The following GABRA1 variants were observed in gnomAD, a reference collection of about 807,000 sequenced individuals.
The protein encoded by GABRA1 is gamma-aminobutyric acid receptor subunit alpha-1.
In GABRA1, 9 loss-of-function variants were observed where a neutral mutation model predicts 48.9. The ratio of observed to expected loss-of-function variants is 0.18; its 90% CI spans 0.11 to 0.32. The LOEUF (loss-of-function observed/expected upper bound fraction) is 0.32, where lower values mean the gene tolerates loss of function less well. Among genes scored for constraint, GABRA1 ranks in the 10% least tolerant of loss-of-function variants. The probability of loss-of-function intolerance (pLI) is 1.00; values close to 1 mark genes in which losing one functional copy is unlikely to be tolerated. For missense variants in GABRA1, 285 were observed against 553.8 expected (o/e 0.51, Z 4.87); for synonymous variants, 210 against 198.7 (o/e 1.06, Z -0.48).
intron 8 of GABRA1, among the ~76,000 whole-genome samples, chr5:161,893,433 G>T (rs1755210485): frequency 6.6e-6 from 1 of 151,830 alleles, no homozygotes; most frequent in East Asian, 1.9e-4. Flanking sequence ...ATGCTTTTTA[G>T]TTTGAACTCA....
chr5:161,892,815 C>A (rs2901629), intron 8 of GABRA1, among the ~76,000 whole-genome samples: 3 of 151,622 alleles, frequency 2.0e-5, no homozygotes, highest in Non-Finnish European at 4.4e-5. Flanking sequence ...CCATCCTGGC[C>A]AACATGGTGA....
chr5:161,895,155 C>T (rs1755303437), intron 8 of GABRA1, among the ~76,000 whole-genome samples: 1 of 151,906 alleles, frequency 6.6e-6, no homozygotes, highest in African/African-American at 2.4e-5. Context: ...TAGTGTAAAA[C>T]CATGAGTCAA....
chr5:161,862,837 G>A (rs1408881986), intron 3 of GABRA1, among the ~76,000 whole-genome samples: 1 of 151,906 alleles, frequency 6.6e-6, no homozygotes, highest in Admixed American at 6.6e-5. Context: ...ATTTGAGCAG[G>A]TATTATTTCT....
In GABRA1 at chr5:161,848,385, C is replaced by A. The variant is rs75583203; in HGVS notation, c.-53C>A. ...ACGATTCTCTCTCCCAGACTTTTCC[C>A]CGGTCTTAAGAGATCCTGTGTCCAG... is the stretch of plus-strand genomic sequence containing the variant. On this transcript the variant is annotated 5_prime_UTR_variant, in exon 1 of 10. Transcript: ENST00000393943. 2,798 of 152,466 alleles carry A rather than the reference C, an allele frequency of 0.018. 74 individuals are homozygous for A. The highest frequency in any genetic ancestry group is 0.054 in the African/African-American group (2,230 of 41,428). The allele number at this position is 152,466 out of a possible 1,614,324, so 9.4% of individuals were successfully genotyped here. A position where few individuals can be genotyped will look rare whatever the true frequency, so the allele number is the denominator to read the frequency against.
chr5:161,887,076 G>A (rs1754881480), intron 7 of GABRA1, among the ~76,000 whole-genome samples: 1 of 152,110 alleles, frequency 6.6e-6, no homozygotes, highest in Admixed American at 6.6e-5. Context: ...GTAATGCCAT[G>A]CAATGTTTTA....
chr5:161,891,632 G>C (rs1561585107), intron 8 of GABRA1, among the ~76,000 whole-genome samples: 1 of 152,054 alleles, frequency 6.6e-6, no homozygotes, highest in Non-Finnish European at 1.5e-5. Flanking sequence ...TGTTTAAAGG[G>C]TAAACAACCT....
intron 2 of GABRA1, among the ~76,000 whole-genome samples, chr5:161,853,368 G>C (rs71612907): frequency 3.3e-5 from 5 of 151,792 alleles, no homozygotes; most frequent in Non-Finnish European, 7.4e-5. Flanking sequence ...TAAAGTTTCA[G>C]ACTAGAATTT....
At chr5:161,864,478 T>C (rs1354732530) in intron 3 of GABRA1, among the ~76,000 whole-genome samples, 3 of 152,080 alleles carry the variant, frequency 2.0e-5, no homozygotes, top group Non-Finnish European at 4.4e-5. Context: ...TCTTAACTCT[T>C]CACAAGTAAA....
At position 161,897,156 on chromosome 5, in the gene GABRA1, G is replaced by A. The variant is rs775344663; in HGVS notation, c.1105G>A (p.Ala369Thr). 9.3e-6 allele frequency: 15 copies of A among 1,613,914 alleles called. No individual in the cohort carries two copies. In the East Asian group the frequency reaches 2.9e-4, roughly 31 times the overall value. Reference sequence around the variant, plus strand: ...TCTTATTAAGAAAAACAACACTTACGCTCCAACAGCAACCAGCTACACCCC... The same window carrying A: ...TCTTATTAAGAAAAACAACACTTACACTCCAACAGCAACCAGCTACACCCC... ...DPLIKKNNTYAPTATSYTPNL... is the reference protein window; with the variant it reads ...DPLIKKNNTYTPTATSYTPNL... The change falls in exon 10 of 10, where the codon GCT becomes ACT. Residue 369 changes from alanine to threonine, a missense_variant. Coordinates refer to ENST00000393943, the MANE Select transcript of GABRA1 (RefSeq NM_001127644.2).
intron 5 of GABRA1, among the ~76,000 whole-genome samples, chr5:161,874,887 A>C (rs191568693): frequency 1.2e-3 from 181 of 152,260 alleles, no homozygotes; most frequent in African/African-American, 2.6e-3. Context: ...CAATCCAAAA[A>C]AAAACAAAAC....
chr5:161,870,283 C>A (rs925396335), intron 4 of GABRA1, among the ~76,000 whole-genome samples: 1 of 152,096 alleles, frequency 6.6e-6, no homozygotes, highest in African/African-American at 2.4e-5. Flanking sequence ...GGGCTTTGGC[C>A]AGGCACAGTG....
At chr5:161,857,225 C>A (rs1159991668) in intron 3 of GABRA1, among the ~76,000 whole-genome samples, 1 of 151,236 alleles carries the variant, frequency 6.6e-6, no homozygotes, top group African/African-American at 2.4e-5. Flanking sequence ...TGACAAAAGT[C>A]TTTTTTTATA....
chr5:161,864,332 T>A (rs1363829256), intron 3 of GABRA1, among the ~76,000 whole-genome samples: 3 of 152,070 alleles, frequency 2.0e-5, no homozygotes, highest in Non-Finnish European at 4.4e-5. Flanking sequence ...TAGGTATATC[T>A]CCCAATGCTA....
At chr5:161,896,628 A>G (rs1755380931) in intron 9 of GABRA1, among the ~76,000 whole-genome samples, 1 of 152,252 alleles carries the variant, frequency 6.6e-6, no homozygotes, top group Non-Finnish European at 1.5e-5. Context: ...TAAGATGTTT[A>G]GAAATAATCT....
chr5:161,880,132 C>A (rs1156868144), intron 6 of GABRA1, among the ~76,000 whole-genome samples: 1 of 152,128 alleles, frequency 6.6e-6, no homozygotes, highest in Non-Finnish European at 1.5e-5. Context: ...AAGTCTTTAT[C>A]TTGGTTTTCC....
intron 6 of GABRA1, among the ~76,000 whole-genome samples, chr5:161,881,100 C>T (rs1754594033): frequency 6.6e-6 from 1 of 152,122 alleles, no homozygotes; most frequent in African/African-American, 2.4e-5. Context: ...ATTTTTGTGG[C>T]CTCCTAAAAG....
chr5:161,887,394 A>G (rs1754896280), intron 7 of GABRA1, among the ~76,000 whole-genome samples: 1 of 152,106 alleles, frequency 6.6e-6, no homozygotes, highest in Non-Finnish European at 1.5e-5. Context: ...TATGAAGCCT[A>G]GTACATGGTC....
intron 8 of GABRA1, among the ~76,000 whole-genome samples, chr5:161,892,620 G>T (rs1235102381): frequency 1.3e-5 from 2 of 152,176 alleles, no homozygotes; most frequent in Admixed American, 6.5e-5. Context: ...ACGAAGTCTT[G>T]TTAAGATGCT....
At chr5:161,852,804 A>G (rs1371426522) in intron 2 of GABRA1, among the ~76,000 whole-genome samples, 1 of 151,998 alleles carries the variant, frequency 6.6e-6, no homozygotes, top group Non-Finnish European at 1.5e-5. Context: ...TTATCAAATT[A>G]AAACTTTATC....
Sources: allele counts gnomAD v4.1 joint callset (sites outside exome capture counted in the v4.1 genomes callset), GRCh38; gene constraint gnomAD v4.1.1; transcripts MANE v1.5; gene names NCBI Gene and HGNC (gene_info 2026-07-23, HGNC 2026-07-21).